The following FHIP2A variants were observed in gnomAD, a reference collection of about 807,000 sequenced individuals.
FHIP2A encodes FHF complex subunit HOOK interacting protein 2A.
Under a neutral mutation model 93.5 loss-of-function variants are expected in FHIP2A, and 46 were observed. That is an observed-to-expected ratio of 0.49 (90% confidence interval 0.39 to 0.63). FHIP2A has a LOEUF of 0.63. Among genes scored for constraint, FHIP2A ranks in the 20% least tolerant of loss-of-function variants. The pLI, the probability that FHIP2A is intolerant of heterozygous loss-of-function variation, is 0.00. For missense variants in FHIP2A, 769 were observed against 909.7 expected, an observed-to-expected ratio of 0.85 and a Z score of 1.99; for synonymous variants, 332 against 326.5, an observed-to-expected ratio of 1.02 and a Z score of -0.18.
chr10:114,848,604 T>C (rs1592020937), intron 12 of FHIP2A, 43 bp from the exon 13 acceptor site: 2 of 1,125,342 alleles, frequency 1.8e-6, no homozygotes, highest in Non-Finnish European at 2.7e-6. Context: ...TTTTTTTTCA[T>C]GCAAATGGAC....
intron 14 of FHIP2A, among the ~76,000 whole-genome samples, chr10:114,859,575 C>A (rs1592025431): frequency 3.3e-5 from 5 of 152,180 alleles, no homozygotes; most frequent in Admixed American, 3.3e-4. Context: ...TGCAACCAAT[C>A]CGTTTCCTTT....
intron 16 of FHIP2A, among the ~76,000 whole-genome samples, chr10:114,875,680 C>T (rs1367727819): frequency 7.0e-6 from 1 of 142,048 alleles, no homozygotes; most frequent in Non-Finnish European, 1.5e-5. Context: ...GGCAATTGAG[C>T]GAGACTCTGT....
chr10:114,861,221 T>G lies in FHIP2A; in HGVS notation c.2089-10T>G, dbSNP rs1023406081. 1 of 1,613,886 alleles carries G rather than the reference T, an allele frequency of 6.2e-7. No individual in the cohort carries two copies. The highest frequency in any genetic ancestry group is 8.5e-7 in the Non-Finnish European group (1 of 1,179,914). On this transcript the variant is annotated splice_polypyrimidine_tract_variant and intron_variant, in intron 15 of 16. Transcript: ENST00000369248. Reference sequence around the variant, plus strand: ...TTCAGGAACTGAAGTGCCTTGCCTCTGTGATGCAGGTTGTTGGAGACCTTA... The same window carrying G: ...TTCAGGAACTGAAGTGCCTTGCCTCGGTGATGCAGGTTGTTGGAGACCTTA...
intron 16 of FHIP2A, among the ~76,000 whole-genome samples, chr10:114,898,866 T>A (rs188777320): frequency 6.6e-6 from 1 of 152,338 alleles, no homozygotes; most frequent in East Asian, 1.9e-4. Flanking sequence ...GTATCATCCT[T>A]CTTTTATTCA....
Position 114,864,122 on chromosome 10 carries a change from G to GTA in FHIP2A, c.*2591_*2592dup, listed in dbSNP as rs1262039000. On this transcript the variant is annotated 3_prime_UTR_variant, in exon 17 of 17. Transcript: ENST00000369248. The stretch of plus-strand genomic sequence containing the variant: ...ATTGTGTGTGTATATATGTATATAT[G>GTA]TATATATATAAGGACCAAAATTCTT... The GTA allele has an allele frequency of 4.3e-6, 4 of 921,790 alleles. No homozygotes were observed. Among genetic ancestry groups the GTA allele is most frequent in the South Asian group, 9.7e-5 (2 of 20,658 alleles). 57.1% of individuals were successfully genotyped at this position (921,790 alleles called of 1,614,324 possible).
At chr10:114,894,877 T>G (rs547194490) in intron 16 of FHIP2A, among the ~76,000 whole-genome samples, 10 of 152,226 alleles carry the variant, frequency 6.6e-5, no homozygotes, top group Non-Finnish European at 1.2e-4. Flanking sequence ...TTCTTTATTT[T>G]GGAGGAGAGA....
intron 1 of FHIP2A, among the ~76,000 whole-genome samples, chr10:114,829,538 G>C (rs2083596144): frequency 1.3e-5 from 2 of 152,216 alleles, no homozygotes; most frequent in Non-Finnish European, 2.9e-5. Flanking sequence ...GACCATCTTG[G>C]TTTTGGTGAG....
intron 16 of FHIP2A, among the ~76,000 whole-genome samples, chr10:114,876,143 CT>C (rs972279136): frequency 2.6e-5 from 4 of 152,188 alleles, no homozygotes; most frequent in African/African-American, 4.8e-5. Context: ...TGACTCCCCC[CT>C]GTCTGGTGGC....
chr10:114,846,957 A>C lies in FHIP2A; in HGVS notation c.1569-133A>C, dbSNP rs1200559953. The C allele has an allele frequency of 4.6e-6, 4 of 868,680 alleles. No individual in the cohort carries two copies. The African/African-American group carries it at 6.8e-5, about 15-fold the overall frequency. The allele number at this position is 868,680 out of a possible 1,614,324, so 53.8% of individuals were successfully genotyped here. ...TATAGAATGTTAATTTGCCTAGAAA[A>C]TATACATAATTCCTTAATCCTTTAT... is the stretch of plus-strand genomic sequence containing the variant. On this transcript the variant is annotated intron_variant, in intron 11 of 16. Transcript: ENST00000369248.
intron 16 of FHIP2A, among the ~76,000 whole-genome samples, chr10:114,885,161 G>A (rs1023375990): frequency 7.9e-5 from 12 of 151,998 alleles, no homozygotes; most frequent in African/African-American, 4.8e-5. Context: ...TTGGGAGGTC[G>A]CAGCAGGTGG....
intron 5 of FHIP2A, among the ~76,000 whole-genome samples, chr10:114,837,656 G>A (rs1405822301): frequency 6.6e-6 from 1 of 152,162 alleles, no homozygotes; most frequent in Non-Finnish European, 1.5e-5. Flanking sequence ...CAATCAAGAT[G>A]TGCAACAGCT....
chr10:114,893,316 A>C (rs1393411355), intron 16 of FHIP2A, among the ~76,000 whole-genome samples: 1 of 152,242 alleles, frequency 6.6e-6, no homozygotes, highest in Non-Finnish European at 1.5e-5. Context: ...AACCACGGTA[A>C]CAAGTACCAT....
chr10:114,825,397 G>A (rs547163611), intron 1 of FHIP2A, among the ~76,000 whole-genome samples: 1 of 152,278 alleles, frequency 6.6e-6, no homozygotes, highest in East Asian at 1.9e-4. Context: ...TTATCTTACT[G>A]TTTAATTAAT....
intron 5 of FHIP2A, among the ~76,000 whole-genome samples, chr10:114,837,252 C>CA (rs2083641471): frequency 6.6e-5 from 10 of 152,168 alleles, no homozygotes; most frequent in Admixed American, 6.5e-4. Context: ...CGATGGCTCA[C>CA]ACCTGTAATC....
intron 16 of FHIP2A, among the ~76,000 whole-genome samples, chr10:114,886,387 T>TA (rs2083942917): frequency 6.6e-6 from 1 of 152,080 alleles, no homozygotes; most frequent in African/African-American, 2.4e-5. Flanking sequence ...ATTTTTTTTT[T>TA]ATCTGTAGAG....
intron 13 of FHIP2A, among the ~76,000 whole-genome samples, chr10:114,854,965 A>G (rs1221075521): frequency 1.3e-5 from 2 of 152,228 alleles, no homozygotes; most frequent in African/African-American, 2.4e-5. Flanking sequence ...TAAAGTTAAA[A>G]TATGTCTCTT....
chr10:114,892,572 A>T (rs1465179272), intron 16 of FHIP2A, among the ~76,000 whole-genome samples: 3 of 152,102 alleles, frequency 2.0e-5, no homozygotes, highest in African/African-American at 7.2e-5. Context: ...CGGGAGGAGG[A>T]GGTTGCAGTG....
intron 1 of FHIP2A, among the ~76,000 whole-genome samples, chr10:114,823,925 T>C (rs2083558628): frequency 6.6e-6 from 1 of 152,018 alleles, no homozygotes; most frequent in Non-Finnish European, 1.5e-5. Flanking sequence ...TTAACCAAAC[T>C]CAAGTAAAAA....
At chr10:114,858,582 A>G (rs562221255) in intron 14 of FHIP2A, among the ~76,000 whole-genome samples, 2,128 of 144,132 alleles carry the variant, frequency 0.015, 54 homozygotes, top group African/African-American at 0.052. Flanking sequence ...AATTTTTTCT[A>G]CTTTTTTTTT....
Sources: gnomAD v4.1 joint callset for allele counts (sites outside exome capture counted in the v4.1 genomes callset) on GRCh38, gnomAD v4.1.1 for gene constraint, MANE v1.5 for transcripts, NCBI Gene and HGNC (gene_info 2026-07-23, HGNC 2026-07-21) for gene names.